IGSF5: variants seen among roughly 807,000 people sequenced by gnomAD.
IGSF5 encodes the protein immunoglobulin superfamily member 5, also known as immunoglobulin superfamily 5 like.
In IGSF5, 41 loss-of-function variants were observed where a neutral mutation model predicts 39.4. The observed-to-expected ratio is 1.04, with a 90% CI of 0.81 to 1.35. IGSF5 has a LOEUF of 1.35. Ranked by LOEUF, IGSF5 falls within the 40% of genes most tolerant of loss-of-function variation. IGSF5 has a pLI of 0.00. For missense variants in IGSF5, 487 were observed against 494.6 expected, an observed-to-expected ratio of 0.98 and a Z score of 0.15; for synonymous variants, 183 against 175.3, an observed-to-expected ratio of 1.04 and a Z score of -0.34.
intron 2 of IGSF5, among the ~76,000 whole-genome samples, chr21:39,754,142 C>G (rs1401565415): frequency 1.3e-5 from 2 of 152,168 alleles, no homozygotes; most frequent in Admixed American, 6.5e-5. Flanking sequence ...ACTTCTGTTT[C>G]AAGATTTAGA....
Position 39,794,777 on chromosome 21 carries a change from G to A in IGSF5, c.1128+1164G>A, listed in dbSNP as rs147488835. ...GGTTGGGTTTGTTCTGCTAGGAGCT[G>A]CTTTACCTGAGGCGACGGTGCCCAG... On this transcript the variant is annotated intron_variant, in intron 8 of 8. Coordinates refer to ENST00000380588, the MANE Select transcript of IGSF5 (RefSeq NM_001080444.2). Among the ~76,000 whole-genome samples, 12 of 152,274 alleles carry A rather than the reference G, an allele frequency of 7.9e-5. No homozygotes were observed. The East Asian group carries it at 2.3e-3, about 29-fold the overall frequency.
chr21:39,744,701 C>T (rs1019855946), upstream of IGSF5, among the ~76,000 whole-genome samples: 1 of 152,356 alleles, frequency 6.6e-6, no homozygotes, highest in Non-Finnish European at 1.5e-5. Flanking sequence ...AACATAATGG[C>T]CCCATACTTT....
At chr21:39,727,128 T>C in the IGSF5 span, among the ~76,000 whole-genome samples, 2 of 152,150 alleles carry the variant, frequency 1.3e-5, no homozygotes, top group Non-Finnish European at 2.9e-5. Flanking sequence ...GGAAGTAGGA[T>C]TGGTTGCTTT....
the IGSF5 span, among the ~76,000 whole-genome samples, chr21:39,726,566 A>C: frequency 6.6e-6 from 1 of 152,160 alleles, no homozygotes; most frequent in African/African-American, 2.4e-5. Context: ...GAGGCGGTGC[A>C]TGCCCCTCAC....
At chr21:39,737,936 G>A in the IGSF5 span, among the ~76,000 whole-genome samples, 1 of 152,328 alleles carries the variant, frequency 6.6e-6, no homozygotes, top group Non-Finnish European at 1.5e-5. Flanking sequence ...TGAAAGGAGA[G>A]TGGGAGTAGG....
At chr21:39,715,761 T>C in the IGSF5 span, among the ~76,000 whole-genome samples, 1 of 152,220 alleles carries the variant, frequency 6.6e-6, no homozygotes, top group Admixed American at 6.5e-5. Context: ...GAAGAAAATA[T>C]GGCTGGAAGA....
the IGSF5 span, among the ~76,000 whole-genome samples, chr21:39,732,165 C>T: frequency 6.6e-6 from 1 of 152,180 alleles, no homozygotes; most frequent in Non-Finnish European, 1.5e-5. Flanking sequence ...TGATCTGTTC[C>T]AGCTGACCCA....
the IGSF5 span, among the ~76,000 whole-genome samples, chr21:39,713,311 T>C: frequency 6.6e-6 from 1 of 152,316 alleles, no homozygotes; most frequent in Non-Finnish European, 1.5e-5. Flanking sequence ...TATTTGCAGA[T>C]TGCTTGTCTG....
intron 2 of IGSF5, among the ~76,000 whole-genome samples, chr21:39,759,673 TG>T: frequency 6.6e-6 from 1 of 152,116 alleles, no homozygotes; most frequent in South Asian, 2.1e-4. Flanking sequence ...GAGACCATCC[TG>T]GCTAACATGG....
rs997841142 is a variant in IGSF5 at position 39,765,928 on chromosome 21, C to T, written c.418+76C>T. ...AGGAAGGACCTTCTAAAGTTCATGC[C>T]GCGTATGATGGCAGACGTGGTCTAC... On this transcript the variant is annotated intron_variant, in intron 3 of 8. Transcript: ENST00000380588. The T allele has an allele frequency of 4.1e-5, 55 of 1,342,122 alleles. No homozygotes were observed. The South Asian group carries it at 5.2e-4, about 13-fold the overall frequency. The allele number at this position is 1,342,122 out of a possible 1,614,324, so 83.1% of individuals were successfully genotyped here.
chr21:39,800,218 T>C (rs1212887849), intron 8 of IGSF5, among the ~76,000 whole-genome samples: 1 of 152,234 alleles, frequency 6.6e-6, no homozygotes, highest in Non-Finnish European at 1.5e-5. Context: ...CCTTTTCCTC[T>C]CTTTGTCCTG....
intron 8 of IGSF5, among the ~76,000 whole-genome samples, chr21:39,798,263 A>G (rs148720407): frequency 6.6e-6 from 1 of 152,288 alleles, no homozygotes; most frequent in East Asian, 1.9e-4. Context: ...CCAAGCACCA[A>G]TCTGCCTCCT....
chr21:39,789,397 A>G (rs1225675390), intron 6 of IGSF5, among the ~76,000 whole-genome samples: 1 of 152,140 alleles, frequency 6.6e-6, no homozygotes, highest in East Asian at 1.9e-4. Context: ...TTTTGTCTGA[A>G]TGTGAACTGG....
chr21:39,713,581 C>A, the IGSF5 span, among the ~76,000 whole-genome samples: 4 of 152,176 alleles, frequency 2.6e-5, no homozygotes, highest in African/African-American at 9.7e-5. Flanking sequence ...GACACTTGCA[C>A]CTCAGCCTGG....
chr21:39,783,002 A>C (rs2080179627), intron 5 of IGSF5, among the ~76,000 whole-genome samples: 1 of 151,986 alleles, frequency 6.6e-6, no homozygotes, highest in Admixed American at 6.6e-5. Context: ...TCTGTGCCTG[A>C]CTTATTTCAC....
intron 5 of IGSF5, among the ~76,000 whole-genome samples, chr21:39,782,242 G>A (rs1253580179): frequency 1.3e-5 from 2 of 152,076 alleles, no homozygotes; most frequent in Non-Finnish European, 2.9e-5. Flanking sequence ...AAGTTTTATA[G>A]TATGTTTTAA....
In IGSF5 at chr21:39,748,301, CTTTTTTT is replaced by C. The variant is rs60669244; in HGVS notation, c.100+2024_100+2030del. ...TGTGCAAGTGAAGAGAAAACAAGAT[CTTTTTTT>C]TTTTTTTTTTTTTTTTTTTTGAGAC... On this transcript the variant is annotated intron_variant, in intron 2 of 8. Transcript: ENST00000380588. Among the ~76,000 whole-genome samples, 322 of 58,242 alleles carry C rather than the reference CTTTTTTT, an allele frequency of 5.5e-3. 2 individuals are homozygous for C. Among genetic ancestry groups the C allele is most frequent in the South Asian group, 0.023 (26 of 1,126 alleles). The allele number at this position is 58,242 out of a possible 152,430, so 38.2% of individuals were successfully genotyped here. A position where few individuals can be genotyped will look rare whatever the true frequency, so the allele number is the denominator to read the frequency against.
Position 39,776,352 on chromosome 21 carries a change from G to C in IGSF5, c.719-2738G>C, listed in dbSNP as rs568053583. ...TCCAGTGGATTAAAGGGAGACTTCA[G>C]CTTAAGTCTCACCCAGGCATAAAAC... On this transcript the variant is annotated intron_variant, in intron 4 of 8. Transcript: ENST00000380588. Among the ~76,000 whole-genome samples the C allele has an allele frequency of 6.6e-5, 10 of 152,206 alleles. No individual in the cohort carries two copies. In the East Asian group the frequency reaches 1.9e-3, roughly 29 times the overall value.
the IGSF5 span, among the ~76,000 whole-genome samples, chr21:39,730,967 G>T: frequency 6.6e-6 from 1 of 152,174 alleles, no homozygotes; most frequent in Non-Finnish European, 1.5e-5. Flanking sequence ...TGTTTTAAAG[G>T]CCTCTCGCCT....
Sources: gnomAD v4.1 joint callset for allele counts (sites outside exome capture counted in the v4.1 genomes callset) on GRCh38, gnomAD v4.1.1 for gene constraint, MANE v1.5 for transcripts, NCBI Gene and HGNC (gene_info 2026-07-23, HGNC 2026-07-21) for gene names.